FAM83G: variants seen among roughly 807,000 people sequenced by gnomAD.
FAM83G encodes scaffolding CK1 anchoring protein G.
FAM83G carries 38 observed loss-of-function variants against 61.5 expected under a neutral mutation model. The observed-to-expected ratio is 0.62, with a 90% confidence interval of 0.48 to 0.81. The LOEUF (loss-of-function observed/expected upper bound fraction) is 0.81. Ranked by LOEUF, FAM83G falls within the 30% of genes least tolerant of loss-of-function variation. FAM83G has a pLI of 0.00. For missense variants in FAM83G, 989 were observed against 1,133.6 expected (o/e 0.87, Z 1.83); for synonymous variants, 470 against 476.1 (o/e 0.99, Z 0.17).
At chr17:18,995,607 G>A (rs2152136555) in intron 2 of FAM83G, among the ~76,000 whole-genome samples, 1 of 152,334 alleles carries the variant, frequency 6.6e-6, no homozygotes, top group Middle Eastern at 3.4e-3. Context: ...TCTACCATTT[G>A]ATTAAAGACT....
intron 5 of FAM83G, among the ~76,000 whole-genome samples, chr17:18,975,428 A>T (rs1362161775): frequency 7.2e-5 from 11 of 152,176 alleles, no homozygotes; most frequent in African/African-American, 2.2e-4. Flanking sequence ...GGTGGCTCAC[A>T]CCTGTAATCC....
In FAM83G at chr17:18,971,370, T is replaced by TGTG. The variant is rs1484462997; in HGVS notation, c.2460_2461insCAC (p.Arg820_Lys821insHis). 3.3e-6 allele frequency: 5 copies of TGTG among 1,497,326 alleles called. No individual in the cohort carries two copies. In the South Asian group the frequency reaches 3.6e-5, roughly 11 times the overall value. 92.8% of individuals were successfully genotyped at this position (1,497,326 alleles called of 1,614,324 possible). A position where few individuals can be genotyped will look rare whatever the true frequency, so the allele number is the denominator to read the frequency against. On this transcript the variant is annotated inframe_insertion, in exon 6 of 6. Coordinates refer to ENST00000388995, the MANE Select transcript of FAM83G (RefSeq NM_001039999.3). This position sits in a 1 kb window ranked among gnomAD's most constrained non-coding sequence, Gnocchi z 5.5. Reference sequence around the variant, plus strand: ...GCTGGGACATGCTGCTAGGGGTCTTTGCGGTCCCGGGGGGCTTGAGCCCTC... The same window carrying TGTG: ...GCTGGGACATGCTGCTAGGGGTCTTTGTGGCGGTCCCGGGGGGCTTGAGCCCTC...
chr17:18,976,505 A>G lies in FAM83G; in HGVS notation c.2082+1079T>C, dbSNP rs546306144. 12 of 226,108 alleles carry G rather than the reference A, an allele frequency of 5.3e-5. No homozygotes were observed. The South Asian group carries it at 1.6e-3, about 31-fold the overall frequency. The allele number at this position is 226,108 out of a possible 1,614,324, so 14.0% of individuals were successfully genotyped here. A position where few individuals can be genotyped will look rare whatever the true frequency, so the allele number is the denominator to read the frequency against. ...TGCTGTCATGAGGGTCCAGGAGATGAGGGTAGGGGTGTATGTCCCCATACC... is the reference window on the plus strand; with the variant it reads ...TGCTGTCATGAGGGTCCAGGAGATGGGGGTAGGGGTGTATGTCCCCATACC... On this transcript the variant is annotated intron_variant, in intron 5 of 5. Coordinates refer to ENST00000388995, the MANE Select transcript of FAM83G (RefSeq NM_001039999.3).
chr17:18,992,215 C>T (rs186797558), intron 2 of FAM83G, among the ~76,000 whole-genome samples: 11 of 152,296 alleles, frequency 7.2e-5, no homozygotes, highest in African/African-American at 2.4e-4. Context: ...CGGCCTTCTC[C>T]ACCCTGCCTT....
chr17:18,996,475 C>G lies in FAM83G; in HGVS notation c.522+7045G>C, dbSNP rs568365516. Among the ~76,000 whole-genome samples the G allele has an allele frequency of 4.7e-4, 71 of 152,242 alleles. No individual in the cohort carries two copies. Among genetic ancestry groups the G allele is most frequent in the African/African-American group, 1.7e-3 (69 of 41,546 alleles). ...TAGGATCCCTGGGTGGTGCTCCCTG[C>G]CACCTCCTGGCAATCTCCAAACCAG... On this transcript the variant is annotated intron_variant, in intron 2 of 5. Transcript: ENST00000388995. This position sits in a 1 kb window ranked among gnomAD's most constrained non-coding sequence, Gnocchi z 4.4.
intron 2 of FAM83G, 94 bp from the exon 3 acceptor site, chr17:18,988,508 C>T: frequency 6.4e-7 from 1 of 1,560,080 alleles, no homozygotes; most frequent in Non-Finnish European, 8.7e-7. Context: ...ATGCCACCAG[C>T]CTCTCACAGG....
At position 18,978,259 on chromosome 17, in the gene FAM83G, C is replaced by A. The variant is rs117693306; in HGVS notation, c.1407G>T (p.Arg469Ser). Residue 469 changes from arginine (R) to serine (S), a missense_variant, in exon 5 of 6, where the codon AGG (arginine) becomes AGT (serine). By Grantham distance (110) the Arg-to-Ser change is moderately radical (BLOSUM62 -1). Coordinates refer to ENST00000388995, the MANE Select transcript of FAM83G (RefSeq NM_001039999.3). ...GGGGAGGGCAAGGCTCTGGACGGGGCCTGCTGTCCTGGCTCTGCTTCCACA... is the reference window on the plus strand; with the variant it reads ...GGGGAGGGCAAGGCTCTGGACGGGGACTGCTGTCCTGGCTCTGCTTCCACA... ...HQLWKQSQDS[R>S]PRPEPCPPPE... The A allele has an allele frequency of 3.7e-6, 6 of 1,605,786 alleles. No homozygotes were observed. The East Asian group carries it at 6.7e-5, about 18-fold the overall frequency.
chr17:19,004,775 G>A (rs1172819196), upstream of FAM83G: 1 of 150,300 alleles, frequency 6.7e-6, no homozygotes, highest in Non-Finnish European at 1.5e-5. This position sits in a 1 kb window ranked among gnomAD's most constrained non-coding sequence, Gnocchi z 5.4. Context: ...GCTGGGCGGG[G>A]GCGCGCCGGT....
In FAM83G at chr17:18,979,632, C is replaced by T. The variant is rs768881264; in HGVS notation, c.732G>A (p.Thr244=). 9 of 1,613,432 alleles carry T rather than the reference C, an allele frequency of 5.6e-6. No homozygotes were observed. Among genetic ancestry groups the T allele is most frequent in the South Asian group, 2.2e-5 (2 of 91,080 alleles). Residue 244 remains threonine, a synonymous_variant, in exon 4 of 6, where the codon ACG becomes ACA. Coordinates refer to ENST00000388995, the MANE Select transcript of FAM83G (RefSeq NM_001039999.3). The part of the protein sequence containing the change: ...VRSSGGTEFF[T]RSATKFKGAL... ...CACCCTTGAACTTGGTTGCCGACCG[C>T]GTGAAGAACTCAGTTCCCCCGCTGC...
Position 18,969,025 on chromosome 17 carries a change from C to T in FAM83G, c.*2334G>A, listed in dbSNP as rs749769587. The T allele has an allele frequency of 1.3e-6, 2 of 1,599,716 alleles. No homozygotes were observed. The highest frequency in any genetic ancestry group is 8.5e-7 in the Non-Finnish European group (1 of 1,173,172). ...TTGCTGGAGCCCTGGGAATAACAGTCCCACACAAGGCTCTCTCCCTCCGCA... is the reference window on the plus strand; with the variant it reads ...TTGCTGGAGCCCTGGGAATAACAGTTCCACACAAGGCTCTCTCCCTCCGCA... On this transcript the variant is annotated 3_prime_UTR_variant, in exon 6 of 6. Transcript: ENST00000388995.
chr17:18,994,586 G>A (rs1420361602), intron 2 of FAM83G, among the ~76,000 whole-genome samples: 1 of 152,170 alleles, frequency 6.6e-6, no homozygotes, highest in Non-Finnish European at 1.5e-5. Flanking sequence ...ACCGGAAAGG[G>A]GTGGCTGGAA....
chr17:18,970,971 C>A lies in FAM83G; in HGVS notation c.*388G>T. 6.3e-7 allele frequency: 1 copy of A among 1,596,984 alleles called. No individual in the cohort carries two copies. Among genetic ancestry groups the A allele is most frequent in the Non-Finnish European group, 8.6e-7 (1 of 1,165,792 alleles). On this transcript the variant is annotated 3_prime_UTR_variant, in exon 6 of 6. Transcript: ENST00000388995. ...GGGGGAGCCCAGGGAGTCAGGGCCCCGCAACCACCAAACTGTCCCTGTTCC... is the reference window on the plus strand; with the variant it reads ...GGGGGAGCCCAGGGAGTCAGGGCCCAGCAACCACCAAACTGTCCCTGTTCC...
chr17:18,998,074 C>G (rs2043613362), intron 2 of FAM83G, among the ~76,000 whole-genome samples: 1 of 152,328 alleles, frequency 6.6e-6, no homozygotes, highest in African/African-American at 2.4e-5. Context: ...TTCCCACCAC[C>G]CCACATGGCA....
At position 18,988,237 on chromosome 17, in the gene FAM83G, G is replaced by C. The variant is rs1378871877; in HGVS notation, c.690+10C>G. 1.9e-6 allele frequency: 3 copies of C among 1,605,014 alleles called. No homozygotes were observed. In the South Asian group the frequency reaches 3.3e-5, roughly 18 times the overall value. ...CTCCAGCCACCCAGGCAAGTGAGGA[G>C]CCTGCTCACCTTGAGGTGCCCCAGG... On this transcript the variant is annotated intron_variant, in intron 3 of 5. Transcript: ENST00000388995.
At chr17:18,975,028 GA>G (rs2042944659) in intron 5 of FAM83G, among the ~76,000 whole-genome samples, 1 of 152,200 alleles carries the variant, frequency 6.6e-6, no homozygotes, top group African/African-American at 2.4e-5. Flanking sequence ...TACTTGGGGT[GA>G]CAGCACCTGT....
At position 18,996,972 on chromosome 17, in the gene FAM83G, G is replaced by A. The variant is rs1376795882; in HGVS notation, c.522+6548C>T. ...GGGTCACTTCCCACTCTAAGCCTCA[G>A]CTTCTCTTCTTGGTAACATGGGGAG... On this transcript the variant is annotated intron_variant, in intron 2 of 5. Coordinates refer to ENST00000388995, the MANE Select transcript of FAM83G (RefSeq NM_001039999.3). The surrounding 1 kb of genome is among the most constrained non-coding windows in gnomAD (Gnocchi z 4.4). Among the ~76,000 whole-genome samples the A allele has an allele frequency of 1.3e-5, 2 of 152,242 alleles. No individual in the cohort carries two copies. The highest frequency in any genetic ancestry group is 4.8e-5 in the African/African-American group (2 of 41,464).
At position 18,969,093 on chromosome 17, in the gene FAM83G, G is replaced by A. The variant is rs1367457792; in HGVS notation, c.*2266C>T. On this transcript the variant is annotated 3_prime_UTR_variant, in exon 6 of 6. Transcript: ENST00000388995. ...GGGCTCTGTTTGTGCACATCTGCCT[G>A]GGCTGGAACTTCTACCTCTCCACCA... is the stretch of plus-strand genomic sequence containing the variant. 1 of 1,613,976 alleles carries A rather than the reference G, an allele frequency of 6.2e-7. No homozygotes were observed. The highest frequency in any genetic ancestry group is 8.5e-7 in the Non-Finnish European group (1 of 1,179,996).
chr17:19,004,140 G>T lies in FAM83G; in HGVS notation c.-99C>A. The stretch of plus-strand genomic sequence containing the variant: ...GCACCGCGCGCTCGGGGGCCTCTCC[G>T]CGGCCTCTGCTTCTCTGCCCATGAG... On this transcript the variant is annotated 5_prime_UTR_variant, in exon 2 of 6. Coordinates refer to ENST00000388995, the MANE Select transcript of FAM83G (RefSeq NM_001039999.3). The surrounding 1 kb of genome is among the most constrained non-coding windows in gnomAD (Gnocchi z 5.4). 1 of 1,200,052 alleles carries T rather than the reference G, an allele frequency of 8.3e-7. No individual in the cohort carries two copies. The highest frequency in any genetic ancestry group is 1.2e-6 in the Non-Finnish European group (1 of 862,508). The allele number at this position is 1,200,052 out of a possible 1,614,324, so 74.3% of individuals were successfully genotyped here. A position where few individuals can be genotyped will look rare whatever the true frequency, so the allele number is the denominator to read the frequency against.
Position 18,977,581 on chromosome 17 carries a change from C to T in FAM83G, c.2082+3G>A, listed in dbSNP as rs369485861. On this transcript the variant is annotated splice_donor_region_variant and intron_variant, in intron 5 of 5. Coordinates refer to ENST00000388995, the MANE Select transcript of FAM83G (RefSeq NM_001039999.3). ...CCCCTGGTGTGCAGGGACCCTGACC[C>T]ACCTGTGCCTCCTTGTCTGTGGAGC... is the stretch of plus-strand genomic sequence containing the variant. 2.9e-5 allele frequency: 46 copies of T among 1,606,608 alleles called. No individual in the cohort carries two copies. The highest frequency in any genetic ancestry group is 4.0e-5 in the African/African-American group (3 of 74,892).
Sources: gnomAD v4.1 joint callset for allele counts (sites outside exome capture counted in the v4.1 genomes callset) on GRCh38, gnomAD v4.1.1 for gene constraint, Gnocchi (gnomAD v3.1) non-coding constraint, MANE v1.5 for transcripts, NCBI Gene and HGNC (gene_info 2026-07-23, HGNC 2026-07-21) for gene names.